The following RBFOX1 variants were observed in gnomAD, a reference collection of about 807,000 sequenced individuals.
The protein encoded by RBFOX1 is RNA binding protein fox-1 homolog 1.
In RBFOX1, 8 loss-of-function variants were observed where a neutral mutation model predicts 57.7. The observed-to-expected ratio is 0.14, with a 90% CI of 0.08 to 0.25. RBFOX1 has a LOEUF of 0.25. RBFOX1 is among the 10% of genes least tolerant of loss of function. The pLI, the probability that RBFOX1 is intolerant of heterozygous loss-of-function variation, is 1.00. For missense variants in RBFOX1, 611 were observed against 548.5 expected, an observed-to-expected ratio of 1.11 and a Z score of -1.14; for synonymous variants, 326 against 222.4, an observed-to-expected ratio of 1.47 and a Z score of -4.15.
chr16:5,819,354 CT>C (rs1479845174), intron 3 of RBFOX1, among the ~76,000 whole-genome samples: 4 of 152,166 alleles, frequency 2.6e-5, no homozygotes, highest in African/African-American at 9.7e-5. Context: ...GGCCTCACCT[CT>C]TTTAGGGGAC....
At position 7,292,907 on chromosome 16, in the gene RBFOX1, A is replaced by G. The variant is rs193013665; in HGVS notation, c.28-225240A>G. On this transcript the variant is annotated intron_variant, in intron 4 of 15. Coordinates refer to ENST00000550418, the MANE Select transcript of RBFOX1 (RefSeq NM_018723.4). ...TGATCCCCTCAAAGACACAGAAACA[A>G]CTGTTGCCGAGCTTTTAAGGAGCAG... Among the ~76,000 whole-genome samples, 8 of 152,264 alleles carry G rather than the reference A, an allele frequency of 5.3e-5. No individual in the cohort carries two copies. The East Asian group carries it at 1.5e-3, about 29-fold the overall frequency.
intron 3 of RBFOX1, among the ~76,000 whole-genome samples, chr16:6,878,570 C>T (rs959173076): frequency 1.3e-5 from 2 of 152,140 alleles, no homozygotes; most frequent in Non-Finnish European, 2.9e-5. Context: ...CATCACATGG[C>T]GCATCCTGAC....
intron 1 of RBFOX1, among the ~76,000 whole-genome samples, chr16:5,351,952 C>T (rs568195598): frequency 4.2e-4 from 64 of 152,162 alleles, no homozygotes; most frequent in Middle Eastern, 6.8e-3. Flanking sequence ...TACAGGCGCC[C>T]GCCACCACGC....
chr16:5,907,750 TC>T (rs2058497015), intron 4 of RBFOX1, among the ~76,000 whole-genome samples: 1 of 149,864 alleles, frequency 6.7e-6, no homozygotes, highest in East Asian at 1.9e-4. Flanking sequence ...ATCATCATCA[TC>T]ATCATCATCA....
chr16:5,257,126 C>G (rs1270226636), intron 1 of RBFOX1, among the ~76,000 whole-genome samples: 1 of 151,450 alleles, frequency 6.6e-6, no homozygotes, highest in East Asian at 1.9e-4. Context: ...GGGTTCTTTC[C>G]ACAAGATTGC....
intron 3 of RBFOX1, among the ~76,000 whole-genome samples, chr16:7,044,852 C>T (rs1427492385): frequency 6.6e-6 from 1 of 152,166 alleles, no homozygotes; most frequent in East Asian, 1.9e-4. Flanking sequence ...TTTTTTTCCA[C>T]CTCCCCTCTC....
At chr16:7,206,691 AGAGTGAGGATTTAC>A (rs1255043903) in intron 4 of RBFOX1, among the ~76,000 whole-genome samples, 1 of 152,146 alleles carries the variant, frequency 6.6e-6, no homozygotes, top group Non-Finnish European at 1.5e-5. Flanking sequence ...TGACAAGCAC[AGAGTGAGGATTTAC>A]GAAGTGACAA....
At chr16:7,242,959 CT>C (rs1304220447) in intron 4 of RBFOX1, among the ~76,000 whole-genome samples, 4 of 152,148 alleles carry the variant, frequency 2.6e-5, no homozygotes, top group African/African-American at 9.7e-5. Flanking sequence ...TCTTTATCTT[CT>C]TCCTTCATTT....
chr16:5,462,048 C>T (rs1016211485), intron 1 of RBFOX1, among the ~76,000 whole-genome samples: 33 of 152,134 alleles, frequency 2.2e-4, no homozygotes, highest in African/African-American at 7.7e-4. Flanking sequence ...GTGCCAGCTC[C>T]TCACACCATC....
intron 1 of RBFOX1, among the ~76,000 whole-genome samples, chr16:6,032,406 G>A (rs904470498): frequency 5.9e-5 from 9 of 152,134 alleles, no homozygotes; most frequent in South Asian, 4.1e-4. Context: ...TATTCATTCC[G>A]TAGCACTCCA....
intron 9 of RBFOX1, among the ~76,000 whole-genome samples, chr16:7,605,781 CCTTCTG>C (rs2095260586): frequency 6.6e-6 from 1 of 152,274 alleles, no homozygotes; most frequent in African/African-American, 2.4e-5. Context: ...TGGTATTTGG[CCTTCTG>C]CTCAAGGACT....
intron 1 of RBFOX1, among the ~76,000 whole-genome samples, chr16:6,075,303 G>A (rs1376551028): frequency 1.3e-5 from 2 of 152,124 alleles, no homozygotes; most frequent in African/African-American, 4.8e-5. Context: ...ACTTTTCCAG[G>A]GAGGTGGAAA....
At chr16:6,986,600 C>T (rs548543269) in intron 3 of RBFOX1, among the ~76,000 whole-genome samples, 1 of 152,154 alleles carries the variant, frequency 6.6e-6, no homozygotes, top group African/African-American at 2.4e-5. Context: ...CCCAGAATCA[C>T]CAGTTTTTAA....
chr16:7,493,546 A>G (rs1021061148), intron 4 of RBFOX1, among the ~76,000 whole-genome samples: 9 of 152,176 alleles, frequency 5.9e-5, no homozygotes, highest in African/African-American at 2.2e-4. Flanking sequence ...TGTAATCACA[A>G]CAGTACTTAC....
chr16:6,320,437 C>CT (rs530601619), intron 2 of RBFOX1, among the ~76,000 whole-genome samples: 2,110 of 151,982 alleles, frequency 0.014, 27 homozygotes, highest in Non-Finnish European at 0.024. Context: ...AAAATCGCCA[C>CT]TAAAGAACTC....
intron 4 of RBFOX1, among the ~76,000 whole-genome samples, chr16:7,252,896 C>A (rs574060844): frequency 6.6e-6 from 1 of 152,062 alleles, no homozygotes; most frequent in African/African-American, 2.4e-5. Context: ...TTGGCAGAGC[C>A]GTTATCTTAG....
At chr16:6,126,880 C>G (rs1193729715) in intron 1 of RBFOX1, among the ~76,000 whole-genome samples, 2 of 152,142 alleles carry the variant, frequency 1.3e-5, no homozygotes, top group Non-Finnish European at 2.9e-5. Context: ...GAGAAGCCAG[C>G]TTACAAAGAA....
intron 1 of RBFOX1, among the ~76,000 whole-genome samples, chr16:6,036,915 T>C (rs2095372573): frequency 6.6e-6 from 1 of 152,204 alleles, no homozygotes; most frequent in South Asian, 2.1e-4. Flanking sequence ...CAGACTCTTT[T>C]ACCATGACCC....
chr16:6,973,602 T>C (rs538406444), intron 3 of RBFOX1, among the ~76,000 whole-genome samples: 8 of 152,270 alleles, frequency 5.3e-5, no homozygotes, highest in Non-Finnish European at 1.2e-4. Context: ...GTGAGGACTT[T>C]TTATTGTTTT....
Sources: gnomAD v4.1 joint callset for allele counts (sites outside exome capture counted in the v4.1 genomes callset) on GRCh38, gnomAD v4.1.1 for gene constraint, MANE v1.5 for transcripts, NCBI Gene and HGNC (gene_info 2026-07-23, HGNC 2026-07-21) for gene names.